PHLPP1: variants seen among roughly 807,000 people sequenced by gnomAD.
The protein encoded by PHLPP1 is PH domain and leucine rich repeat protein phosphatase 1, also known as PH domain leucine-rich repeat-containing protein phosphatase 1.
In PHLPP1, 42 loss-of-function variants were observed where a neutral mutation model predicts 117.2. The observed-to-expected ratio is 0.36, with a 90% CI of 0.28 to 0.46. The LOEUF (loss-of-function observed/expected upper bound fraction) is 0.46, where lower values mean the gene tolerates loss of function less well. Ranked by LOEUF, PHLPP1 falls within the 20% of genes least tolerant of loss-of-function variation. PHLPP1 has a pLI of 1.00. For missense variants in PHLPP1, 2,084 were observed against 2,241.9 expected, an observed-to-expected ratio of 0.93 and a Z score of 1.42; for synonymous variants, 1,042 against 970.7, an observed-to-expected ratio of 1.07 and a Z score of -1.37.
intron 6 of PHLPP1, among the ~76,000 whole-genome samples, chr18:62,898,815 T>C (rs1916640311): frequency 6.6e-6 from 1 of 151,738 alleles, no homozygotes; most frequent in African/African-American, 2.4e-5. Context: ...TTATTATTAT[T>C]TTTTGAGACG....
intron 6 of PHLPP1, among the ~76,000 whole-genome samples, chr18:62,901,662 C>T (rs1349972666): frequency 2.7e-5 from 4 of 145,752 alleles, no homozygotes; most frequent in Admixed American, 7.0e-5. Context: ...CTCGCTCTGT[C>T]GCCCAGGCTA....
intron 4 of PHLPP1, among the ~76,000 whole-genome samples, chr18:62,868,920 C>A (rs1915832309): frequency 6.6e-6 from 1 of 152,122 alleles, no homozygotes; most frequent in South Asian, 2.1e-4. Context: ...GTATATTACA[C>A]TGAGACTGAA....
At chr18:62,896,234 A>G (rs1242918459) in intron 6 of PHLPP1, among the ~76,000 whole-genome samples, 1 of 151,058 alleles carries the variant, frequency 6.6e-6, no homozygotes, top group Non-Finnish European at 1.5e-5. Context: ...ATTGGAACCC[A>G]GTTGAGTGAG....
intron 14 of PHLPP1, among the ~76,000 whole-genome samples, chr18:62,971,461 G>C (rs1255594954): frequency 6.6e-6 from 1 of 151,692 alleles, no homozygotes; most frequent in East Asian, 1.9e-4. Context: ...TTTGAGTTTG[G>C]AGTGGAGACA....
chr18:62,794,720 CT>C (rs1030144967), intron 1 of PHLPP1, among the ~76,000 whole-genome samples: 2 of 151,856 alleles, frequency 1.3e-5, no homozygotes, highest in Non-Finnish European at 2.9e-5. Flanking sequence ...AAAGAACTAG[CT>C]TTTTTTTACA....
intron 1 of PHLPP1, among the ~76,000 whole-genome samples, chr18:62,766,103 A>ATATATATATATATATATATATG (rs1491171718): frequency 1.9e-5 from 1 of 53,356 alleles, no homozygotes; most frequent in Non-Finnish European, 4.0e-5. Context: ...ATATATATAT[A>ATATATATATATATATATATATG]AAATATATAT....
intron 10 of PHLPP1, among the ~76,000 whole-genome samples, chr18:62,924,585 G>T (rs965698165): frequency 1.4e-5 from 2 of 147,610 alleles, no homozygotes; most frequent in African/African-American, 5.0e-5. Flanking sequence ...TATAATCCCA[G>T]AACTTTGGGA....
chr18:62,814,905 A>G (rs974207822), intron 1 of PHLPP1, among the ~76,000 whole-genome samples: 2 of 152,202 alleles, frequency 1.3e-5, no homozygotes, highest in Admixed American at 1.3e-4. Flanking sequence ...AACACAGTAA[A>G]GTTGTGAGGT....
chr18:62,829,622 G>A (rs1157135765), intron 1 of PHLPP1, among the ~76,000 whole-genome samples: 3 of 152,052 alleles, frequency 2.0e-5, no homozygotes, highest in Non-Finnish European at 4.4e-5. Context: ...TGTGGTGGCC[G>A]GCACCTGTAG....
chr18:62,919,928 AT>A, intron 9 of PHLPP1, 30 bp from the exon 10 acceptor site: 1 of 1,525,032 alleles, frequency 6.6e-7, no homozygotes, highest in Non-Finnish European at 8.9e-7. Context: ...ACTCTTTTTC[AT>A]TTTTTGGTCT....
At chr18:62,848,037 C>T (rs887436965) in intron 3 of PHLPP1, among the ~76,000 whole-genome samples, 10 of 152,238 alleles carry the variant, frequency 6.6e-5, no homozygotes, top group Admixed American at 2.6e-4. Flanking sequence ...GTATCCCTGG[C>T]AATTCCAACA....
intron 1 of PHLPP1, among the ~76,000 whole-genome samples, chr18:62,737,344 G>A (rs1911399039): frequency 6.6e-6 from 1 of 152,222 alleles, no homozygotes; most frequent in Admixed American, 6.5e-5. Context: ...TTGAGGCCAT[G>A]TGGTGAAAGG....
chr18:62,768,401 A>G (rs1337100720), intron 1 of PHLPP1, among the ~76,000 whole-genome samples: 1 of 152,180 alleles, frequency 6.6e-6, no homozygotes, highest in Non-Finnish European at 1.5e-5. Flanking sequence ...TTTATTGAAA[A>G]CAGCTCAACA....
At chr18:62,734,527 T>C (rs1433516275) in intron 1 of PHLPP1, among the ~76,000 whole-genome samples, 1 of 152,214 alleles carries the variant, frequency 6.6e-6, no homozygotes, top group Non-Finnish European at 1.5e-5. Flanking sequence ...CTCTGTGAAA[T>C]ATTGTCTTGT....
chr18:62,790,214 G>T (rs539470279), intron 1 of PHLPP1, among the ~76,000 whole-genome samples: 2 of 152,228 alleles, frequency 1.3e-5, no homozygotes, highest in African/African-American at 4.8e-5. Flanking sequence ...GCACAACCTT[G>T]GGCCAGGAGG....
intron 12 of PHLPP1, among the ~76,000 whole-genome samples, chr18:62,954,263 T>G (rs1910551835): frequency 6.6e-6 from 1 of 152,238 alleles, no homozygotes; most frequent in Non-Finnish European, 1.5e-5. Flanking sequence ...GTTAGCTATA[T>G]TCTAGAATGG....
At chr18:62,866,090 G>A (rs1915763243) in intron 4 of PHLPP1, among the ~76,000 whole-genome samples, 1 of 152,140 alleles carries the variant, frequency 6.6e-6, no homozygotes, top group Non-Finnish European at 1.5e-5. Context: ...GGGGTCTATG[G>A]GGATGTTAAC....
intron 9 of PHLPP1, among the ~76,000 whole-genome samples, chr18:62,918,021 A>C (rs1011411702): frequency 1.3e-5 from 2 of 151,972 alleles, no homozygotes; most frequent in African/African-American, 2.4e-5. Context: ...CCTGACCAAC[A>C]TGGTGAAACC....
intron 3 of PHLPP1, 46 bp from the exon 4 acceptor site, chr18:62,860,389 A>C: frequency 6.6e-7 from 1 of 1,504,594 alleles, no homozygotes; most frequent in Non-Finnish European, 9.2e-7. Context: ...GAAAGTAGTT[A>C]TAGGATAAGT....
Sources: gnomAD v4.1 joint callset for allele counts (sites outside exome capture counted in the v4.1 genomes callset) on GRCh38, gnomAD v4.1.1 for gene constraint, MANE v1.5 for transcripts, NCBI Gene and HGNC (gene_info 2026-07-23, HGNC 2026-07-21) for gene names.